The following OCA2 variants were observed in gnomAD, a reference collection of about 807,000 sequenced individuals.
OCA2 encodes OCA2 melanosomal transmembrane protein, also known as P protein.
Under a neutral mutation model 100.2 loss-of-function variants are expected in OCA2, and 77 were observed. The observed-to-expected ratio is 0.77, with a 90% confidence interval of 0.64 to 0.93. OCA2 has a LOEUF of 0.93. OCA2 is among the 40% of genes least tolerant of loss of function. The pLI, the probability that OCA2 is intolerant of heterozygous loss-of-function variation, is 0.00. For missense variants in OCA2, 1,062 were observed against 1,089.1 expected (o/e 0.98, Z 0.35); for synonymous variants, 432 against 439.2 (o/e 0.98, Z 0.21).
chr15:27,932,977 G>GA (rs36014650), intron 18 of OCA2, among the ~76,000 whole-genome samples: 3,633 of 148,898 alleles, frequency 0.024, 122 homozygotes, highest in African/African-American at 0.077. Flanking sequence ...ACAAGGCATA[G>GA]AAAAAAAAAA....
chr15:27,959,632 C>T (rs1449156743), intron 15 of OCA2, among the ~76,000 whole-genome samples: 1 of 152,176 alleles, frequency 6.6e-6, no homozygotes, highest in Non-Finnish European at 1.5e-5. Flanking sequence ...CTGGTGCCAG[C>T]CCCTGGGTGC....
Position 28,027,895 on chromosome 15 carries a change from A to T in OCA2, c.491T>A (p.Ile164Asn), listed in dbSNP as rs766602770. The change falls in exon 4 of 24, where the codon ATC (isoleucine) becomes AAC (asparagine). Residue 164 changes from isoleucine to asparagine, a missense_variant. Coordinates refer to ENST00000354638, the MANE Select transcript of OCA2 (RefSeq NM_000275.3). ...CCTCAGCTTGGAAAGACGGAGTCGG[A>T]TGTGCGGGCTGTCCAGAAGGTCTCC... ...EKGDLLDSPH[I>N]RLRLSKLRRC... The T allele has an allele frequency of 5.6e-6, 9 of 1,613,430 alleles. No individual in the cohort carries two copies. The African/African-American group carries it at 1.2e-4, about 22-fold the overall frequency.
intron 19 of OCA2, among the ~76,000 whole-genome samples, chr15:27,899,030 A>G (rs2037819914): frequency 6.6e-6 from 1 of 152,240 alleles, no homozygotes. Flanking sequence ...AAAAATCCCC[A>G]ACAAAATGTT....
At chr15:27,893,877 T>C (rs2037572561) in intron 19 of OCA2, among the ~76,000 whole-genome samples, 1 of 152,238 alleles carries the variant, frequency 6.6e-6, no homozygotes, top group African/African-American at 2.4e-5. Context: ...GTTCTGCTTT[T>C]GCCCTTTGTT....
chr15:27,908,065 AAG>A (rs1220037911), intron 19 of OCA2, among the ~76,000 whole-genome samples: 4 of 152,210 alleles, frequency 2.6e-5, no homozygotes, highest in Non-Finnish European at 5.9e-5. Flanking sequence ...AAGAAAAAAA[AAG>A]AGTACTACAG....
intron 17 of OCA2, among the ~76,000 whole-genome samples, chr15:27,954,729 T>G (rs548115032): frequency 3.3e-5 from 5 of 150,622 alleles, no homozygotes; most frequent in South Asian, 2.1e-4. Context: ...AAACAAGCTC[T>G]GCCCCAGGAA....
At chr15:27,814,949 G>T (rs1039861659) in intron 23 of OCA2, among the ~76,000 whole-genome samples, 16 of 127,110 alleles carry the variant, frequency 1.3e-4, no homozygotes, top group South Asian at 2.7e-4. Context: ...GATAGATACA[G>T]AGATATATAT....
At chr15:27,857,000 G>T (rs1242188681) in intron 21 of OCA2, among the ~76,000 whole-genome samples, 1 of 152,186 alleles carries the variant, frequency 6.6e-6, no homozygotes, top group East Asian at 1.9e-4. Flanking sequence ...ATAGGAAAGT[G>T]TGGCCCATTC....
At chr15:28,022,473 T>C in intron 6 of OCA2, 28 bp downstream of exon 6, 2 of 1,546,490 alleles carry the variant, frequency 1.3e-6, no homozygotes, top group Non-Finnish European at 1.8e-6. Flanking sequence ...GCCAGGCGGC[T>C]GGCCATCTCA....
chr15:27,839,730 C>T (rs1383722565), intron 23 of OCA2, among the ~76,000 whole-genome samples: 1 of 152,072 alleles, frequency 6.6e-6, no homozygotes, highest in East Asian at 1.9e-4. Flanking sequence ...ACTTAACATG[C>T]CACTTAAAGT....
the OCA2 span, among the ~76,000 whole-genome samples, chr15:27,721,425 T>A: frequency 6.6e-6 from 1 of 152,158 alleles, no homozygotes; most frequent in Non-Finnish European, 1.5e-5. Flanking sequence ...TACGTGACAC[T>A]ACAGAAAACT....
chr15:27,927,704 T>TAGA (rs1385670081), intron 18 of OCA2, among the ~76,000 whole-genome samples: 2 of 152,186 alleles, frequency 1.3e-5, no homozygotes, highest in African/African-American at 2.4e-5. Flanking sequence ...TTTCTGATTT[T>TAGA]AGACATTCCA....
At chr15:28,047,809 G>A (rs1358736357) in intron 2 of OCA2, among the ~76,000 whole-genome samples, 1 of 152,150 alleles carries the variant, frequency 6.6e-6, no homozygotes, top group East Asian at 1.9e-4. Flanking sequence ...TCCAGATGGG[G>A]AAGGAAGAAG....
At chr15:27,913,892 A>AAAGC (rs201142354) in intron 19 of OCA2, among the ~76,000 whole-genome samples, 476 of 37,386 alleles carry the variant, frequency 0.013, 43 homozygotes, top group African/African-American at 0.021. Flanking sequence ...AGAAAGAAAG[A>AAAGC]AAGCAAGCAA....
At chr15:27,731,821 A>T in the OCA2 span, among the ~76,000 whole-genome samples, 1 of 152,226 alleles carries the variant, frequency 6.6e-6, no homozygotes, top group African/African-American at 2.4e-5. Flanking sequence ...TTTAAAGATG[A>T]TGCATATGTT....
intron 2 of OCA2, among the ~76,000 whole-genome samples, chr15:28,060,097 C>T (rs920712782): frequency 6.6e-6 from 1 of 152,256 alleles, no homozygotes; most frequent in African/African-American, 2.4e-5. Context: ...CTGGTGCCAG[C>T]ACCTCTGCTG....
At chr15:27,820,317 C>G (rs928163730) in intron 23 of OCA2, among the ~76,000 whole-genome samples, 1 of 152,196 alleles carries the variant, frequency 6.6e-6, no homozygotes, top group African/African-American at 2.4e-5. Flanking sequence ...GGGAGAGGAA[C>G]TCTGCAGTAA....
chr15:28,010,270 C>G (rs1566792609), intron 9 of OCA2, among the ~76,000 whole-genome samples: 2 of 152,158 alleles, frequency 1.3e-5, no homozygotes, highest in Non-Finnish European at 2.9e-5. Flanking sequence ...CCTACAAAAA[C>G]TAATAATGTC....
chr15:27,724,406 C>T, the OCA2 span, among the ~76,000 whole-genome samples: 2 of 152,128 alleles, frequency 1.3e-5, no homozygotes, highest in Admixed American at 1.3e-4. Flanking sequence ...GTCCACACTT[C>T]CCCTTGGTAT....
Sources: allele counts gnomAD v4.1 joint callset (sites outside exome capture counted in the v4.1 genomes callset), GRCh38; gene constraint gnomAD v4.1.1; transcripts MANE v1.5; gene names NCBI Gene and HGNC (gene_info 2026-07-23, HGNC 2026-07-21).